The following NPIPB4 variants were observed in gnomAD, a reference collection of about 807,000 sequenced individuals.
The protein encoded by NPIPB4 is nuclear pore complex-interacting protein family member B4.
For synonymous variants in NPIPB4, 31 were observed against 194.1 expected (o/e 0.16, Z 6.99); for missense variants, 105 against 513.7 (o/e 0.20, Z 7.69).
chr16:21,841,962 T>G (rs1296403508), intron 5 of NPIPB4, among the ~76,000 whole-genome samples: 1 of 151,668 alleles, frequency 6.6e-6, no homozygotes, highest in African/African-American at 2.4e-5. Context: ...AGAATAAAGG[T>G]GGACAGGAAA....
At chr16:21,841,892 T>C (rs1357610734) in intron 5 of NPIPB4, among the ~76,000 whole-genome samples, 5 of 151,330 alleles carry the variant, frequency 3.3e-5, no homozygotes, top group African/African-American at 1.2e-4. Context: ...GGTCTGCCAA[T>C]GAAAGCGACC....
At chr16:21,851,794 GCTCCCTGTCCCTGCTT>G in intron 2 of NPIPB4, 4 of 567,600 alleles carry the variant, frequency 7.0e-6, no homozygotes, top group Non-Finnish European at 1.2e-5. Flanking sequence ...TCCCCAACCA[GCTCCCTGTCCCTGCTT>G]CTGGGCGCTC....
intron 2 of NPIPB4, among the ~76,000 whole-genome samples, chr16:21,850,780 C>A (rs1436819785): frequency 1.5e-5 from 1 of 64,800 alleles, no homozygotes; most frequent in Non-Finnish European, 2.9e-5. Flanking sequence ...TGCAGCGGGG[C>A]CATCTCGGCT....
At chr16:21,843,053 C>G (rs1177924553) in intron 5 of NPIPB4, among the ~76,000 whole-genome samples, 6 of 82,200 alleles carry the variant, frequency 7.3e-5, no homozygotes, top group South Asian at 1.1e-3. Context: ...ATTGCTTGAA[C>G]CCAAAAGGCA....
At chr16:21,851,247 G>T (rs1228652421) in intron 2 of NPIPB4, 1 of 204,988 alleles carries the variant, frequency 4.9e-6, no homozygotes, top group Non-Finnish European at 8.4e-6. Flanking sequence ...ACCGGGGCCG[G>T]ATCTGAGTTG....
At chr16:21,850,091 A>C (rs1299419170) in intron 2 of NPIPB4, among the ~76,000 whole-genome samples, 1 of 99,916 alleles carries the variant, frequency 1.0e-5, no homozygotes, top group African/African-American at 3.4e-5. Flanking sequence ...GAGAAACCCT[A>C]TCTCTACTAA....
At chr16:21,843,113 G>T (rs250171) in intron 5 of NPIPB4, among the ~76,000 whole-genome samples, 1 of 103,968 alleles carries the variant, frequency 9.6e-6, no homozygotes, top group Non-Finnish European at 1.9e-5. Context: ...CAACAGCAAA[G>T]CTCCATCTCA....
In NPIPB4 at chr16:21,837,513, G is replaced by T; in HGVS notation, c.874C>A (p.Pro292Thr). ...LKTPPECVLTPLPPSADDNLK... is the reference protein window; with the variant it reads ...LKTPPECVLTTLPPSADDNLK... Reference sequence around the variant, plus strand: ...TTATCATCCGCTGAGGGTGGAAGGGGAGTGAGCACACACTCGGGAGGTGTC... The same window carrying T: ...TTATCATCCGCTGAGGGTGGAAGGGTAGTGAGCACACACTCGGGAGGTGTC... The change falls in exon 8 of 8, where the codon CCC becomes ACC. Residue 292 changes from proline to threonine, a missense_variant. Transcript: ENST00000682606. The T allele has an allele frequency of 3.6e-6, 2 of 553,826 alleles. No individual in the cohort carries two copies. Among genetic ancestry groups the T allele is most frequent in the Non-Finnish European group, 5.9e-6 (2 of 339,626 alleles). 34.3% of individuals were successfully genotyped at this position (553,826 alleles called of 1,614,324 possible).
chr16:21,835,933 C>G lies in NPIPB4; in HGVS notation c.2454G>C (p.Gln818His), dbSNP rs924304502. Residue 818 changes from glutamine to histidine, a missense_variant, in exon 8 of 8, where the codon CAG (glutamine) becomes CAC (histidine). Coordinates refer to ENST00000682606, the MANE Select transcript of NPIPB4 (RefSeq NM_001384980.1). ...TCGGCAGGTGTCTTGATATTATCAT[C>G]TGCTGAGGGTGGAGCTGAGTGTGGA... ...LPFHTQLHPQ[Q>H]MIISRHLPSV... The G allele has an allele frequency of 8.3e-7, 1 of 1,202,476 alleles. No homozygotes were observed. Among genetic ancestry groups the G allele is most frequent in the Non-Finnish European group, 1.1e-6 (1 of 915,150 alleles). 74.5% of individuals were successfully genotyped at this position (1,202,476 alleles called of 1,614,324 possible). A position where few individuals can be genotyped will look rare whatever the true frequency, so the allele number is the denominator to read the frequency against.
chr16:21,848,162 T>C (rs1902229378), intron 2 of NPIPB4, among the ~76,000 whole-genome samples: 1 of 141,410 alleles, frequency 7.1e-6, no homozygotes, highest in South Asian at 2.5e-4. Flanking sequence ...AGTGCTGGGA[T>C]TACAGGTGTG....
chr16:21,850,530 C>T (rs1160543899), intron 2 of NPIPB4, among the ~76,000 whole-genome samples: 2 of 151,240 alleles, frequency 1.3e-5, no homozygotes, highest in African/African-American at 2.5e-5. Context: ...ACTAAAAATA[C>T]AAAAATTAGC....
chr16:21,850,501 T>G (rs1248488734), intron 2 of NPIPB4, among the ~76,000 whole-genome samples: 2 of 151,910 alleles, frequency 1.3e-5, no homozygotes, highest in African/African-American at 4.9e-5. Flanking sequence ...ACACAAAAAT[T>G]AGCCAGGCGT....
At chr16:21,850,593 A>T (rs1597919136) in intron 2 of NPIPB4, among the ~76,000 whole-genome samples, 1 of 129,438 alleles carries the variant, frequency 7.7e-6, no homozygotes, top group African/African-American at 3.1e-5. Context: ...AATTGCTTGA[A>T]CCCCAGAAGC....
chr16:21,841,830 C>T (rs1469422840), intron 5 of NPIPB4, among the ~76,000 whole-genome samples: 1 of 147,612 alleles, frequency 6.8e-6, no homozygotes, highest in Non-Finnish European at 1.5e-5. Context: ...CAAAGAAGCA[C>T]AGCAGCTTTT....
intron 2 of NPIPB4, among the ~76,000 whole-genome samples, chr16:21,850,419 G>A (rs1484813791): frequency 6.6e-6 from 1 of 151,884 alleles, no homozygotes; most frequent in Admixed American, 6.5e-5. Context: ...GGGAGGCTGA[G>A]GCAGGCAGAT....
chr16:21,840,202 C>T (rs1256511968), intron 5 of NPIPB4, among the ~76,000 whole-genome samples: 4 of 21,400 alleles, frequency 1.9e-4, no homozygotes, highest in Admixed American at 4.4e-4. Context: ...CTCTCTCTCA[C>T]GATATGTCTT....
rs1901600433 is a variant in NPIPB4 at position 21,837,710 on chromosome 16, GA to G, written c.676del (p.Ser226GlnfsTer14). The stretch of plus-strand genomic sequence containing the variant: ...GAGGTAGGGCCAGTAGGGCAATCCT[GA>G]AGAATGACGATGCTCCGCTGCCGCC... ...RMAAAEHRHSSGLPYWPYLTA... is the reference protein window; with the variant it reads ...RMAAAEHRHSXGLPYWPYLTA... On this transcript the variant is annotated frameshift_variant, in exon 8 of 8. Transcript: ENST00000682606. LOFTEE classifies it low-confidence loss of function (END_TRUNC). 1.7e-6 allele frequency: 1 copy of G among 605,438 alleles called. No individual in the cohort carries two copies. The highest frequency in any genetic ancestry group is 2.4e-6 in the Non-Finnish European group (1 of 421,288). 37.5% of individuals were successfully genotyped at this position (605,438 alleles called of 1,614,324 possible).
At chr16:21,841,655 C>T (rs953760074) in intron 5 of NPIPB4, among the ~76,000 whole-genome samples, 1 of 143,054 alleles carries the variant, frequency 7.0e-6, no homozygotes, top group Non-Finnish European at 1.5e-5. Flanking sequence ...GGACACCAAA[C>T]AGAATATAAA....
At chr16:21,850,259 CAAAA>C (rs1902383029) in intron 2 of NPIPB4, among the ~76,000 whole-genome samples, 1 of 115,326 alleles carries the variant, frequency 8.7e-6, no homozygotes. Flanking sequence ...GAAACTGTCT[CAAAA>C]TAAATAAATA....
Sources: allele counts gnomAD v4.1 joint callset (sites outside exome capture counted in the v4.1 genomes callset), GRCh38; gene constraint gnomAD v4.1.1; transcripts MANE v1.5; gene names NCBI Gene and HGNC (gene_info 2026-07-23, HGNC 2026-07-21).